The following ELL variants were observed in gnomAD, a reference collection of about 807,000 sequenced individuals.
ELL encodes RNA polymerase II elongation factor ELL.
Under a neutral mutation model 64.0 loss-of-function variants are expected in ELL, and 18 were observed. That is an observed-to-expected ratio of 0.28 (90% CI 0.19 to 0.42). The LOEUF (loss-of-function observed/expected upper bound fraction) is 0.42. Among genes scored for constraint, ELL ranks in the 10% least tolerant of loss-of-function variants. ELL has a pLI of 1.00. For missense variants in ELL, 797 were observed against 870.4 expected, an observed-to-expected ratio of 0.92 and a Z score of 1.06; for synonymous variants, 399 against 376.2, an observed-to-expected ratio of 1.06 and a Z score of -0.70.
chr19:18,494,116 T>C (rs1453590133), intron 1 of ELL, among the ~76,000 whole-genome samples: 1 of 152,094 alleles, frequency 6.6e-6, no homozygotes, highest in Non-Finnish European at 1.5e-5. Context: ...AAAAAGTTTC[T>C]GTTTGGAGAC....
intron 1 of ELL, among the ~76,000 whole-genome samples, chr19:18,508,391 T>C (rs2144972703): frequency 1.3e-5 from 2 of 152,354 alleles, no homozygotes; most frequent in African/African-American, 4.8e-5. Context: ...CCAGAGTGGA[T>C]GCCCTCAGGT....
In ELL at chr19:18,465,477, G is replaced by A. The variant is rs1974913393; in HGVS notation, c.404C>T (p.Ala135Val). The change falls in exon 4 of 12, where the codon GCC becomes GTC. Residue 135 changes from alanine to valine, a missense_variant. Physicochemically the swap from Ala to Val is moderately conservative, Grantham distance 64 (BLOSUM62 0). Transcript: ENST00000262809. ...GCTCCGCGTCTCCTCCTCCGCCTGG[G>A]CCATGCTCTGCCGCGCCTTCTGGTA... Reference protein sequence around the residue: ...DSYQKARQSMAQAEEETRSRS... With the variant: ...DSYQKARQSMVQAEEETRSRS... 7.4e-6 allele frequency: 12 copies of A among 1,612,892 alleles called. No homozygotes were observed. The highest frequency in any genetic ancestry group is 1.0e-5 in the Non-Finnish European group (12 of 1,179,238).
At position 18,447,439 on chromosome 19, in the gene ELL, A is replaced by G. The variant is rs542957718; in HGVS notation, c.1466-625T>C. ...CACAAGGCAGCTCCAGGACAGGGCC[A>G]GCCAGAGGAGCCCATGGGCCACCCC... On this transcript the variant is annotated intron_variant, in intron 8 of 11. Transcript: ENST00000262809. Among the ~76,000 whole-genome samples the G allele has an allele frequency of 1.9e-3, 290 of 152,372 alleles. 1 individual carries two copies. Among genetic ancestry groups the G allele is most frequent in the African/African-American group, 6.6e-3 (276 of 41,600 alleles).
chr19:18,503,741 G>A (rs766197680), intron 1 of ELL, among the ~76,000 whole-genome samples: 1 of 152,122 alleles, frequency 6.6e-6, no homozygotes, highest in South Asian at 2.1e-4. Flanking sequence ...CCAAGCACCC[G>A]CCTAGGGCTC....
intron 6 of ELL, among the ~76,000 whole-genome samples, chr19:18,456,926 A>T (rs1026310455): frequency 4.0e-5 from 6 of 151,740 alleles, no homozygotes; most frequent in Non-Finnish European, 1.5e-5. Context: ...AAACTGCTAT[A>T]AATGGGGCTT....
At chr19:18,489,071 C>G (rs1975476048) in intron 1 of ELL, among the ~76,000 whole-genome samples, 1 of 152,172 alleles carries the variant, frequency 6.6e-6, no homozygotes, top group South Asian at 2.1e-4. Context: ...TCTGAAATCT[C>G]AGCTGCTCTT....
intron 1 of ELL, among the ~76,000 whole-genome samples, chr19:18,514,245 G>A (rs2144979822): frequency 6.6e-6 from 1 of 152,096 alleles, no homozygotes; most frequent in East Asian, 1.9e-4. Context: ...GGGCACGGTG[G>A]CTCGCACCTG....
intron 6 of ELL, 32 bp from the exon 7 acceptor site, chr19:18,451,680 G>A: frequency 6.8e-7 from 1 of 1,465,726 alleles, no homozygotes; most frequent in Non-Finnish European, 8.9e-7. Context: ...AGGTCAGAAG[G>A]TGCTGAGGGG....
chr19:18,484,358 G>A (rs576135195), intron 1 of ELL, among the ~76,000 whole-genome samples: 84 of 152,310 alleles, frequency 5.5e-4, no homozygotes, highest in African/African-American at 1.4e-3. Flanking sequence ...CCAGCTACCC[G>A]GGAGGCTGAG....
chr19:18,444,684 A>T lies in ELL; in HGVS notation c.*68T>A. On this transcript the variant is annotated 3_prime_UTR_variant, in exon 12 of 12. Coordinates refer to ENST00000262809, the MANE Select transcript of ELL (RefSeq NM_006532.4). ...GCATCTTCCTCGGGTTTATTTTTTT[A>T]AATAAATCCTCTCTCACCGCCTTTT... 1 of 1,459,198 alleles carries T rather than the reference A, an allele frequency of 6.9e-7. No individual in the cohort carries two copies. The highest frequency in any genetic ancestry group is 9.2e-7 in the Non-Finnish European group (1 of 1,083,706). 90.4% of individuals were successfully genotyped at this position (1,459,198 alleles called of 1,614,324 possible).
rs535476624 is a variant in ELL, at chr19:18,444,382, C to G, written c.*370G>C. 2 of 262,594 alleles carry G rather than the reference C, an allele frequency of 7.6e-6. No individual in the cohort carries two copies. Among genetic ancestry groups the G allele is most frequent in the East Asian group, 1.1e-4 (2 of 17,572 alleles). 16.3% of individuals were successfully genotyped at this position (262,594 alleles called of 1,614,324 possible). On this transcript the variant is annotated 3_prime_UTR_variant, in exon 12 of 12. Coordinates refer to ENST00000262809, the MANE Select transcript of ELL (RefSeq NM_006532.4). The stretch of plus-strand genomic sequence containing the variant: ...TGCTTCTCTTTTGTACAAAAATAGA[C>G]TCAAGTCTCATTAGCAGTAGCTAAA...
rs757910061 is a variant in ELL at position 18,490,796 on chromosome 19, G to A, written c.136-17914C>T. On this transcript the variant is annotated intron_variant, in intron 1 of 11. Transcript: ENST00000262809. ...CCCAGCAGGTACCCACTGCACACCC[G>A]CAGCCCCAGGTGTAGTGCCTGCCAT... is the stretch of plus-strand genomic sequence containing the variant. Among the ~76,000 whole-genome samples the A allele has an allele frequency of 2.7e-4, 41 of 152,068 alleles. 1 individual carries two copies. The highest frequency in any genetic ancestry group is 8.3e-4 in the South Asian group (4 of 4,818).
chr19:18,466,737 G>A (rs1402054947), intron 2 of ELL, among the ~76,000 whole-genome samples: 1 of 152,224 alleles, frequency 6.6e-6, no homozygotes, highest in Non-Finnish European at 1.5e-5. Context: ...ACTAATGCCT[G>A]GGCTTTGGCA....
rs34078075 is a variant in ELL, at chr19:18,450,610, C to G, written c.1332G>C (p.Ser444=). ...TGGACTTCTTCTTGGGCTTGCTGCG[C>G]GAGGGGCTGCCGTGTGGCCTGCTGG... ...AQPSRPHGSP[S]RSKPKKKSKK... Residue 444 remains serine, a synonymous_variant, in exon 8 of 12, where the codon TCG becomes TCC. Coordinates refer to ENST00000262809, the MANE Select transcript of ELL (RefSeq NM_006532.4). 1 of 1,611,184 alleles carries G rather than the reference C, an allele frequency of 6.2e-7. No individual in the cohort carries two copies. The highest frequency in any genetic ancestry group is 8.5e-7 in the Non-Finnish European group (1 of 1,179,214).
intron 11 of ELL, 145 bp from the exon 12 acceptor site, chr19:18,445,013 G>A: frequency 9.2e-7 from 1 of 1,084,972 alleles, no homozygotes; most frequent in Non-Finnish European, 1.3e-6. Flanking sequence ...AGTGGGAGTT[G>A]GTCCCCCGCA....
chr19:18,456,708 C>A (rs1489505279), intron 6 of ELL, among the ~76,000 whole-genome samples: 1 of 152,110 alleles, frequency 6.6e-6, no homozygotes, highest in Non-Finnish European at 1.5e-5. Context: ...GTTTGGACAT[C>A]ATGAACAAAG....
intron 6 of ELL, among the ~76,000 whole-genome samples, chr19:18,455,141 C>CA (rs34585634): frequency 2.0e-3 from 217 of 107,914 alleles, no homozygotes; most frequent in Middle Eastern, 0.01. Context: ...AGTCCCTCTC[C>CA]AAAAAAAAAA....
intron 6 of ELL, 130 bp downstream of exon 6, chr19:18,458,075 G>A (rs1432172495): frequency 1.3e-6 from 2 of 1,494,556 alleles, no homozygotes; most frequent in East Asian, 4.6e-5. Flanking sequence ...AGGCCTACTT[G>A]GACCCTTCCA....
rs74820491 is a variant in ELL at position 18,493,895 on chromosome 19, T to C, written c.136-21013A>G. On this transcript the variant is annotated intron_variant, in intron 1 of 11. Coordinates refer to ENST00000262809, the MANE Select transcript of ELL (RefSeq NM_006532.4). ...CCAGTGGGGACAATCCTGAAGACAA[T>C]TGAAAGGTGATCTAACCTACGAGGG... 8.3e-3 allele frequency among the ~76,000 whole-genome samples: 1,259 copies of C among 152,236 alleles called. 17 individuals are homozygous for C. The highest frequency in any genetic ancestry group is 0.027 in the African/African-American group (1,141 of 41,540).
Sources: gnomAD v4.1 joint callset for allele counts (sites outside exome capture counted in the v4.1 genomes callset) on GRCh38, gnomAD v4.1.1 for gene constraint, MANE v1.5 for transcripts, NCBI Gene and HGNC (gene_info 2026-07-23, HGNC 2026-07-21) for gene names.